Variants in FSTL5 observed in about 807,000 individuals in gnomAD.
The protein encoded by FSTL5 is follistatin like 5.
FSTL5 carries 62 observed loss-of-function variants against 89.1 expected under a neutral mutation model. The observed-to-expected ratio is 0.70, with a 90% confidence interval of 0.57 to 0.86. The LOEUF is 0.86. Among genes scored for constraint, FSTL5 ranks in the 40% least tolerant of loss-of-function variants. FSTL5 has a pLI of 0.00. For synonymous variants in FSTL5, 383 were observed against 346.2 expected, an observed-to-expected ratio of 1.11 and a Z score of -1.18; for missense variants, 1,057 against 1,001.6, an observed-to-expected ratio of 1.06 and a Z score of -0.75.
intron 1 of FSTL5, among the ~76,000 whole-genome samples, chr4:162,130,397 G>A (rs1732253348): frequency 1.3e-5 from 2 of 152,044 alleles, no homozygotes. Flanking sequence ...TGTTTCCTAC[G>A]CAAGTGATTA....
chr4:162,155,087 G>C (rs761551664), intron 1 of FSTL5, among the ~76,000 whole-genome samples: 1 of 152,168 alleles, frequency 6.6e-6, no homozygotes, highest in Non-Finnish European at 1.5e-5. Flanking sequence ...CTTGTGTGTA[G>C]GCAGGACCTA....
At chr4:161,479,087 G>A (rs1157181566) in intron 13 of FSTL5, among the ~76,000 whole-genome samples, 1 of 151,930 alleles carries the variant, frequency 6.6e-6, no homozygotes, top group Non-Finnish European at 1.5e-5. Context: ...ATGGTCATAA[G>A]GAGAATGCAT....
chr4:161,925,587 A>G (rs973582942), intron 3 of FSTL5, among the ~76,000 whole-genome samples: 1 of 151,910 alleles, frequency 6.6e-6, no homozygotes, highest in Non-Finnish European at 1.5e-5. Flanking sequence ...TGAAGATAAT[A>G]ATAATTACAG....
At chr4:162,092,477 C>T (rs370592465) in intron 2 of FSTL5, among the ~76,000 whole-genome samples, 26 of 152,198 alleles carry the variant, frequency 1.7e-4, no homozygotes, top group African/African-American at 5.8e-4. Flanking sequence ...GATAAATTTC[C>T]CAACAGATGA....
At chr4:161,870,578 G>T (rs1445109924) in intron 4 of FSTL5, among the ~76,000 whole-genome samples, 1 of 152,054 alleles carries the variant, frequency 6.6e-6, no homozygotes, top group Non-Finnish European at 1.5e-5. Flanking sequence ...AATAAGGAAA[G>T]TCTGGCATAT....
At chr4:161,679,946 A>G (rs956870154) in intron 6 of FSTL5, among the ~76,000 whole-genome samples, 21 of 151,840 alleles carry the variant, frequency 1.4e-4, no homozygotes, top group African/African-American at 5.1e-4. Context: ...AATACTAAAC[A>G]ATATTAAACT....
intron 2 of FSTL5, among the ~76,000 whole-genome samples, chr4:162,089,638 AAAAAAAAAAAAAG>A (rs1378580586): frequency 2.7e-5 from 3 of 110,414 alleles, no homozygotes; most frequent in Non-Finnish European, 6.2e-5. Flanking sequence ...GTCTCAAAAA[AAAAAAAAAAAAAG>A]AAAAAAAAGA....
chr4:161,462,749 T>C (rs117644489), intron 13 of FSTL5, among the ~76,000 whole-genome samples: 2 of 152,256 alleles, frequency 1.3e-5, no homozygotes, highest in East Asian at 1.9e-4. Context: ...GTAATTGAGC[T>C]AGATGTTTTA....
chr4:161,521,313 A>G (rs1731010599), intron 10 of FSTL5, among the ~76,000 whole-genome samples: 1 of 152,082 alleles, frequency 6.6e-6, no homozygotes. Flanking sequence ...AAATGTCTCA[A>G]GTCATCCACA....
chr4:161,844,016 G>A (rs1249571914), intron 4 of FSTL5, among the ~76,000 whole-genome samples: 1 of 152,048 alleles, frequency 6.6e-6, no homozygotes, highest in Admixed American at 6.6e-5. Flanking sequence ...GCAACCTATA[G>A]AATTGGAGAA....
At chr4:161,460,240 T>TTTA (rs1553988439) in intron 13 of FSTL5, among the ~76,000 whole-genome samples, 6 of 151,808 alleles carry the variant, frequency 4.0e-5, no homozygotes, top group African/African-American at 7.3e-5. Context: ...TCTTTTCTTT[T>TTTA]TTATTATTAT....
At chr4:161,636,005 C>T (rs1735677942) in intron 7 of FSTL5, among the ~76,000 whole-genome samples, 1 of 151,504 alleles carries the variant, frequency 6.6e-6, no homozygotes, top group East Asian at 1.9e-4. Context: ...GTTTTTGTTC[C>T]CTTGTGTAAT....
chr4:161,478,665 C>A (rs1050458026), intron 13 of FSTL5, among the ~76,000 whole-genome samples: 3 of 151,630 alleles, frequency 2.0e-5, no homozygotes, highest in Admixed American at 1.3e-4. Context: ...AAAGTTGAAA[C>A]AAGAAGGCAG....
intron 4 of FSTL5, among the ~76,000 whole-genome samples, chr4:161,860,181 G>A (rs969288584): frequency 6.6e-6 from 1 of 151,968 alleles, no homozygotes; most frequent in South Asian, 2.1e-4. Context: ...CCAGCTACTC[G>A]GGAGGCTGAG....
At chr4:161,977,631 A>T (rs1301087022) in intron 3 of FSTL5, among the ~76,000 whole-genome samples, 75 of 125,570 alleles carry the variant, frequency 6.0e-4, no homozygotes, top group African/African-American at 2.0e-3. Flanking sequence ...AAAAAAAAAA[A>T]AAAAAAAAAA....
intron 8 of FSTL5, among the ~76,000 whole-genome samples, chr4:161,568,161 C>A (rs1463868493): frequency 6.6e-6 from 1 of 152,006 alleles, no homozygotes; most frequent in Non-Finnish European, 1.5e-5. Flanking sequence ...CTCTAGGCAG[C>A]TTTACCCACA....
At chr4:161,401,926 T>C (rs1469447434) in intron 15 of FSTL5, among the ~76,000 whole-genome samples, 1 of 152,242 alleles carries the variant, frequency 6.6e-6, no homozygotes, top group Non-Finnish European at 1.5e-5. Flanking sequence ...TAATTAATGC[T>C]AATTAATTTA....
intron 6 of FSTL5, among the ~76,000 whole-genome samples, chr4:161,748,548 C>T (rs1740280448): frequency 6.6e-6 from 1 of 150,822 alleles, no homozygotes; most frequent in South Asian, 2.1e-4. Flanking sequence ...GTTGTACAAG[C>T]TCCCTAAAGC....
chr4:161,533,356 T>C (rs1006269472), intron 10 of FSTL5, among the ~76,000 whole-genome samples: 1 of 151,662 alleles, frequency 6.6e-6, no homozygotes, highest in African/African-American at 2.4e-5. Flanking sequence ...AAAGAGAAGA[T>C]CCAAGTGAGT....
Sources: allele counts gnomAD v4.1 joint callset (sites outside exome capture counted in the v4.1 genomes callset), GRCh38; gene constraint gnomAD v4.1.1; transcripts MANE v1.5; gene names NCBI Gene and HGNC (gene_info 2026-07-23, HGNC 2026-07-21).